Variants in PARP1 observed in about 807,000 individuals in gnomAD.
PARP1 encodes the protein poly(ADP-ribose) polymerase 1, also known as poly [ADP-ribose] polymerase 1.
Under a neutral mutation model 118.7 loss-of-function variants are expected in PARP1, and 44 were observed. The observed-to-expected ratio is 0.37, with a 90% CI of 0.29 to 0.48. PARP1 has a LOEUF of 0.48. Ranked by LOEUF, PARP1 falls within the 20% of genes least tolerant of loss-of-function variation. The pLI is 0.99. For missense variants in PARP1, 1,100 were observed against 1,272.4 expected, an observed-to-expected ratio of 0.86 and a Z score of 2.06; for synonymous variants, 492 against 483.2, an observed-to-expected ratio of 1.02 and a Z score of -0.24.
In PARP1 at chr1:226,364,257, T is replaced by C. The variant is rs2102726382; in HGVS notation, c.2659-187A>G. The C allele has an allele frequency of 1.3e-5, 8 of 606,106 alleles. No individual in the cohort carries two copies. In the East Asian group the frequency reaches 2.6e-4, roughly 20 times the overall value. 37.5% of individuals were successfully genotyped at this position (606,106 alleles called of 1,614,324 possible). A position where few individuals can be genotyped will look rare whatever the true frequency, so the allele number is the denominator to read the frequency against. On this transcript the variant is annotated intron_variant, in intron 19 of 22. Transcript: ENST00000366794. ...ACAAGCCAGGCTGTCAGATCCTAGC[T>C]CTGCCAGGTGCCAAGGAGCTGCAAG...
chr1:226,388,057 C>A (rs1225519290), intron 5 of PARP1, among the ~76,000 whole-genome samples: 1 of 152,226 alleles, frequency 6.6e-6, no homozygotes, highest in East Asian at 1.9e-4. Context: ...CTCAATTTCC[C>A]AGACATCCAG....
In PARP1 at chr1:226,402,200, C is replaced by T. The variant is rs770992381; in HGVS notation, c.286+14G>A. ...TGGGGGCTGAATGCCCATGCTGCCC[C>T]AGTATGTACACACCTGTCACTCCTC... is the stretch of plus-strand genomic sequence containing the variant. On this transcript the variant is annotated intron_variant, in intron 2 of 22. Coordinates refer to ENST00000366794, the MANE Select transcript of PARP1 (RefSeq NM_001618.4). The T allele has an allele frequency of 3.1e-6, 5 of 1,614,080 alleles. No homozygotes were observed. The highest frequency in any genetic ancestry group is 1.3e-5 in the African/African-American group (1 of 74,916).
chr1:226,363,693 G>T (rs1324972146), intron 20 of PARP1, among the ~76,000 whole-genome samples: 8 of 152,234 alleles, frequency 5.3e-5, no homozygotes, highest in Non-Finnish European at 1.2e-4. Context: ...CCAGTCCATG[G>T]AGAGAAGACA....
At chr1:226,399,954 G>C (rs1010070721) in intron 2 of PARP1, among the ~76,000 whole-genome samples, 1 of 151,826 alleles carries the variant, frequency 6.6e-6, no homozygotes, top group Non-Finnish European at 1.5e-5. Context: ...GGTGAGCCGA[G>C]ATCACACCAC....
rs1188516420 is a variant in PARP1, at chr1:226,403,682, G to GA, written c.121-1304dup. 2.6e-5 allele frequency among the ~76,000 whole-genome samples: 4 copies of GA among 152,164 alleles called. No homozygotes were observed. In the East Asian group the frequency reaches 7.7e-4, roughly 29 times the overall value. Reference sequence around the variant, plus strand: ...GTTGGGAGTCACAGAGGCAGCAAATGAATGATTTGACACTATGATTCCTCC... The same window carrying GA: ...GTTGGGAGTCACAGAGGCAGCAAATGAAATGATTTGACACTATGATTCCTCC... On this transcript the variant is annotated intron_variant, in intron 1 of 22. Transcript: ENST00000366794.
chr1:226,380,190 C>T, intron 9 of PARP1, 26 bp from the exon 10 acceptor site: 1 of 1,610,912 alleles, frequency 6.2e-7, no homozygotes. Context: ...GGAAAAAAAA[C>T]CAAAATACAA....
intron 21 of PARP1, among the ~76,000 whole-genome samples, 168 bp downstream of exon 21, chr1:226,362,931 A>G (rs116092675): frequency 0.014 from 2,150 of 150,070 alleles, 56 homozygotes; most frequent in African/African-American, 0.048. Context: ...CACCACCACC[A>G]CCCCCCAAAC....
Position 226,386,368 on chromosome 1 carries a change from T to C in PARP1, c.792A>G (p.Leu264=), listed in dbSNP as rs201080980. 6.2e-7 allele frequency: 1 copy of C among 1,613,570 alleles called. No individual in the cohort carries two copies. The highest frequency in any genetic ancestry group is 1.7e-5 in the Admixed American group (1 of 60,000). Residue 264 remains leucine, a synonymous_variant, in exon 6 of 23, where the codon CTA becomes CTG. Transcript: ENST00000366794. ...GCACTTGCTGCTTGTTGAAGATGAG[T>C]AGCTCCTTCAGGTCATTAGTTGAAC... The part of the protein sequence containing the change: ...KVCSTNDLKE[L]LIFNKQQVPS...
chr1:226,361,225 C>T lies in PARP1; in HGVS notation c.*235G>A. 1.7e-6 allele frequency: 1 copy of T among 583,540 alleles called. No homozygotes were observed. The highest frequency in any genetic ancestry group is 3.1e-6 in the Non-Finnish European group (1 of 325,550). 36.1% of individuals were successfully genotyped at this position (583,540 alleles called of 1,614,324 possible). A position where few individuals can be genotyped will look rare whatever the true frequency, so the allele number is the denominator to read the frequency against. The stretch of plus-strand genomic sequence containing the variant: ...TTTTCTCTATGTCAGTTTTATCTAC[C>T]TGGCAAGAAAAAACAAAAACAACCC... On this transcript the variant is annotated 3_prime_UTR_variant, in exon 23 of 23. Coordinates refer to ENST00000366794, the MANE Select transcript of PARP1 (RefSeq NM_001618.4).
In PARP1 at chr1:226,373,432, C is replaced by T. The variant is rs138448768; in HGVS notation, c.2070+794G>A. On this transcript the variant is annotated intron_variant, in intron 14 of 22. Transcript: ENST00000366794. The stretch of plus-strand genomic sequence containing the variant: ...GGTGTTTGCTGGCCAGGTGGGACCA[C>T]CTCTGCTCTGAAGGCCCCCAGGGTC... Among the ~76,000 whole-genome samples, 1,007 of 152,298 alleles carry T rather than the reference C, an allele frequency of 6.6e-3. 14 individuals are homozygous for T. The highest frequency in any genetic ancestry group is 0.023 in the African/African-American group (956 of 41,552).
At chr1:226,388,612 C>T (rs1008798004) in intron 5 of PARP1, 44 bp downstream of exon 5, 2 of 1,295,598 alleles carry the variant, frequency 1.5e-6, no homozygotes, top group Admixed American at 1.7e-5. Flanking sequence ...AAAGAGAATC[C>T]AGACAGCAGA....
At chr1:226,392,408 C>T in intron 2 of PARP1, 94 bp from the exon 3 acceptor site, 4 of 838,470 alleles carry the variant, frequency 4.8e-6, no homozygotes, top group South Asian at 2.7e-5. Flanking sequence ...AGGATCCTTC[C>T]ACTAGGACAC....
chr1:226,377,058 G>T, intron 13 of PARP1, 50 bp downstream of exon 13: 1 of 1,477,390 alleles, frequency 6.8e-7, no homozygotes, highest in Non-Finnish European at 9.5e-7. Flanking sequence ...AGAATAAGGT[G>T]TCCCTTCCTT....
At position 226,362,027 on chromosome 1, in the gene PARP1, C is replaced by G; in HGVS notation, c.2905G>C (p.Val969Leu). 6.2e-7 allele frequency: 1 copy of G among 1,613,826 alleles called. No individual in the cohort carries two copies. Among genetic ancestry groups the G allele is most frequent in the Non-Finnish European group, 8.5e-7 (1 of 1,179,756 alleles). ...GATGAAATCCCGGTCCCAAGAGGAA[C>G]GTCTACACCATCCAGACTAATGTTA... Reference protein sequence around the residue: ...SANISLDGVDVPLGTGISSGV... With the variant: ...SANISLDGVDLPLGTGISSGV... Residue 969 changes from valine to leucine, a missense_variant, in exon 22 of 23, where the codon GTT becomes CTT. Physicochemically the swap from Val to Leu is conservative, Grantham distance 32 (BLOSUM62 1). This residue lies in a region of PARP1 where 152 missense variants were observed against 240.6 expected (regional missense o/e 0.63). Coordinates refer to ENST00000366794, the MANE Select transcript of PARP1 (RefSeq NM_001618.4).
chr1:226,383,074 G>T lies in PARP1; in HGVS notation c.1121C>A (p.Ala374Asp). Residue 374 changes from alanine to aspartate, a missense_variant, in exon 8 of 23, where the codon GCC becomes GAC. This residue lies in a region of PARP1 where 948 missense variants were observed against 1,031.8 expected (regional missense o/e 0.92). Coordinates refer to ENST00000366794, the MANE Select transcript of PARP1 (RefSeq NM_001618.4). Reference protein sequence around the residue: ...SVAATPPPSTASAPAAVNSSA... With the variant: ...SVAATPPPSTDSAPAAVNSSA... ...GGAGTTCACAGCAGCAGGAGCCGAG[G>T]CTGTGGAGGGCGGAGGCGTGGCCGC... 3 of 1,612,994 alleles carry T rather than the reference G, an allele frequency of 1.9e-6. No homozygotes were observed. Among genetic ancestry groups the T allele is most frequent in the Non-Finnish European group, 2.5e-6 (3 of 1,180,036 alleles).
intron 12 of PARP1, 122 bp from the exon 13 acceptor site, chr1:226,377,425 G>A (rs1049912111): frequency 4.0e-6 from 3 of 747,180 alleles, no homozygotes; most frequent in Admixed American, 1.9e-5. Flanking sequence ...AAAGGATGGT[G>A]ATTAACACAG....
chr1:226,367,825 A>G (rs1415733566), intron 16 of PARP1, among the ~76,000 whole-genome samples: 3 of 152,170 alleles, frequency 2.0e-5, no homozygotes, highest in African/African-American at 7.2e-5. Context: ...GGGAGTTGAG[A>G]GGTGGAAGAA....
At position 226,363,956 on chromosome 1, in the gene PARP1, C is replaced by A. The variant is rs2102726156; in HGVS notation, c.2773G>T (p.Ala925Ser). ...AGGTTTACTCACATGTTTCCAAGGG[C>A]AACTTCTCCCAACAGGATTAAGCCT... is the stretch of plus-strand genomic sequence containing the variant. ...PIGLILLGEV[A>S]LGNMYELKHA... The change falls in exon 20 of 23, where the codon GCC becomes TCC. Residue 925 changes from alanine to serine, a missense_variant. Ala to Ser is a moderately conservative substitution (Grantham distance 99). Around this residue, in one of 2 missense-constraint regions of PARP1, gnomAD observed 152 missense variants for 240.6 expected, o/e 0.63. Coordinates refer to ENST00000366794, the MANE Select transcript of PARP1 (RefSeq NM_001618.4). 1 of 1,614,016 alleles carries A rather than the reference C, an allele frequency of 6.2e-7. No homozygotes were observed.
At chr1:226,365,670 G>C (rs1054524014) in intron 18 of PARP1, among the ~76,000 whole-genome samples, 1 of 151,810 alleles carries the variant, frequency 6.6e-6, no homozygotes, top group African/African-American at 2.4e-5. Flanking sequence ...TGGAGGCTGA[G>C]ACAGGAGAAT....
Sources: gnomAD v4.1 joint callset for allele counts (sites outside exome capture counted in the v4.1 genomes callset) on GRCh38, gnomAD v4.1.1 for gene constraint, gnomAD v4.1.1 regional missense constraint, MANE v1.5 for transcripts, NCBI Gene and HGNC (gene_info 2026-07-23, HGNC 2026-07-21) for gene names.